The following WDR64 variants were observed in gnomAD, a reference collection of about 807,000 sequenced individuals.
WDR64 encodes the protein WD repeat domain 64.
In WDR64, 112 loss-of-function variants were observed where a neutral mutation model predicts 139.3. The observed-to-expected ratio is 0.80, with a 90% CI of 0.69 to 0.94. The LOEUF (loss-of-function observed/expected upper bound fraction) is 0.94. WDR64 is among the 40% of genes least tolerant of loss of function. The pLI is 0.00. For synonymous variants in WDR64, 444 were observed against 437.7 expected (o/e 1.01, Z -0.18); for missense variants, 1,206 against 1,293.1 (o/e 0.93, Z 1.03).
intron 2 of WDR64, among the ~76,000 whole-genome samples, chr1:241,663,552 T>C (rs1224434324): frequency 2.0e-5 from 3 of 152,240 alleles, no homozygotes; most frequent in East Asian, 1.9e-4. Context: ...GAGAGAATTC[T>C]GGGGTTCGAA....
chr1:241,681,883 T>C (rs1163453337), intron 6 of WDR64, among the ~76,000 whole-genome samples: 1 of 152,182 alleles, frequency 6.6e-6, no homozygotes, highest in African/African-American at 2.4e-5. Context: ...AATTTGACGC[T>C]GATCATTTTT....
At chr1:241,735,566 G>A (rs140089175) in intron 10 of WDR64, among the ~76,000 whole-genome samples, 1,219 of 90,270 alleles carry the variant, frequency 0.014, 20 homozygotes, top group Non-Finnish European at 0.013. Flanking sequence ...ACGGAATCTC[G>A]CTTTGTCATC....
chr1:241,695,266 T>G (rs1278801042), intron 8 of WDR64, among the ~76,000 whole-genome samples: 1 of 152,214 alleles, frequency 6.6e-6, no homozygotes, highest in African/African-American at 2.4e-5. Context: ...TCTTGAGGGT[T>G]TTTAAAAAAA....
At chr1:241,681,086 T>TTCTC (rs113784729) in intron 6 of WDR64, among the ~76,000 whole-genome samples, 33 of 150,350 alleles carry the variant, frequency 2.2e-4, no homozygotes, top group Admixed American at 9.9e-4. Context: ...CTACAGCCTC[T>TTCTC]TCTCTCTCTC....
intron 8 of WDR64, among the ~76,000 whole-genome samples, chr1:241,700,187 C>T (rs1401829924): frequency 4.1e-5 from 6 of 147,304 alleles, no homozygotes; most frequent in Non-Finnish European, 7.5e-5. Context: ...TTATCCTTAA[C>T]ATATTTATTG....
intron 8 of WDR64, among the ~76,000 whole-genome samples, chr1:241,698,884 T>G (rs1667597053): frequency 6.6e-6 from 1 of 152,206 alleles, no homozygotes; most frequent in South Asian, 2.1e-4. Context: ...AGAGGTTTAA[T>G]TGACTCACAG....
At chr1:241,768,858 C>T (rs936058854) in intron 16 of WDR64, among the ~76,000 whole-genome samples, 1 of 152,174 alleles carries the variant, frequency 6.6e-6, no homozygotes, top group Non-Finnish European at 1.5e-5. Flanking sequence ...GAGCAGGGTC[C>T]TCACTGGACT....
intron 6 of WDR64, among the ~76,000 whole-genome samples, chr1:241,681,976 TTTG>T (rs1666814591): frequency 6.6e-6 from 1 of 152,148 alleles, no homozygotes; most frequent in South Asian, 2.1e-4. Flanking sequence ...GATGAGATTG[TTTG>T]TTTTTTTTCT....
At chr1:241,688,907 C>T (rs1051025865) in intron 8 of WDR64, among the ~76,000 whole-genome samples, 9 of 152,104 alleles carry the variant, frequency 5.9e-5, no homozygotes, top group Non-Finnish European at 7.4e-5. Flanking sequence ...TTACTTCTGG[C>T]GGAGGGGAAG....
intron 6 of WDR64, among the ~76,000 whole-genome samples, chr1:241,680,029 C>G (rs2148100642): frequency 6.6e-6 from 1 of 152,240 alleles, no homozygotes; most frequent in Admixed American, 6.5e-5. Context: ...ACTGCTTAAC[C>G]AATCTACAGT....
intron 2 of WDR64, among the ~76,000 whole-genome samples, chr1:241,663,167 T>C (rs1170505870): frequency 6.6e-6 from 1 of 152,188 alleles, no homozygotes; most frequent in Non-Finnish European, 1.5e-5. Flanking sequence ...GATAACTCTA[T>C]TGAAAAAAGA....
chr1:241,691,843 G>C (rs1667310092), intron 8 of WDR64, among the ~76,000 whole-genome samples: 1 of 151,958 alleles, frequency 6.6e-6, no homozygotes, highest in African/African-American at 2.4e-5. Flanking sequence ...GTGAAACCCT[G>C]TCTCTACAAA....
At chr1:241,783,112 C>G (rs1407395535) in intron 22 of WDR64, among the ~76,000 whole-genome samples, 160 bp from the exon 23 acceptor site, 1 of 152,302 alleles carries the variant, frequency 6.6e-6, no homozygotes, top group Non-Finnish European at 1.5e-5. Flanking sequence ...CCCCAACAAG[C>G]AAGAGAAGAG....
intron 10 of WDR64, among the ~76,000 whole-genome samples, chr1:241,726,349 C>T (rs1230587979): frequency 2.6e-5 from 4 of 151,874 alleles, no homozygotes; most frequent in Admixed American, 6.6e-5. Flanking sequence ...GTGGGAGGAT[C>T]GCTTGAGCCC....
rs756614817 is a variant in WDR64 at position 241,683,575 on chromosome 1, T to C, written c.713T>C (p.Ile238Thr). ...PLPDHLCRDD[I>T]LLGDDGGFVN... ...CCTGACCATCTCTGCCGAGATGACATCCTCTTGGGGGATGATGGGGGTTTT... is the reference window on the plus strand; with the variant it reads ...CCTGACCATCTCTGCCGAGATGACACCCTCTTGGGGGATGATGGGGGTTTT... Residue 238 changes from isoleucine (I) to threonine (T), a missense_variant, in exon 7 of 28, where the codon ATC (isoleucine) becomes ACC (threonine). By Grantham distance (89) the Ile-to-Thr change is moderately conservative. Transcript: ENST00000437684. The C allele has an allele frequency of 6.4e-7, 1 of 1,551,722 alleles. No individual in the cohort carries two copies. The highest frequency in any genetic ancestry group is 1.2e-5 in the South Asian group (1 of 84,058).
intron 3 of WDR64, among the ~76,000 whole-genome samples, chr1:241,672,057 C>G (rs187363299): frequency 6.6e-6 from 1 of 152,076 alleles, no homozygotes; most frequent in Non-Finnish European, 1.5e-5. Context: ...CACCTGTAGT[C>G]CCAGCTACTC....
At chr1:241,754,273 G>A (rs1670089663) in intron 14 of WDR64, among the ~76,000 whole-genome samples, 1 of 150,436 alleles carries the variant, frequency 6.6e-6, no homozygotes, top group South Asian at 2.1e-4. Context: ...TGAGGTCTGG[G>A]ATACATGTGC....
intron 27 of WDR64, among the ~76,000 whole-genome samples, chr1:241,799,247 G>A (rs889607194): frequency 7.3e-6 from 1 of 136,510 alleles, no homozygotes; most frequent in African/African-American, 2.9e-5. Context: ...CGGGTGTGGT[G>A]GTGCACACCT....
At chr1:241,749,399 C>A in intron 13 of WDR64, 148 bp from the exon 14 acceptor site, 1 of 837,748 alleles carries the variant, frequency 1.2e-6, no homozygotes. Flanking sequence ...CACAGCAAGC[C>A]TGGGAAGACT....
Sources: gnomAD v4.1 joint callset for allele counts (sites outside exome capture counted in the v4.1 genomes callset) on GRCh38, gnomAD v4.1.1 for gene constraint, MANE v1.5 for transcripts, NCBI Gene and HGNC (gene_info 2026-07-23, HGNC 2026-07-21) for gene names.